The following CCDC171 variants were observed in gnomAD, a reference collection of about 807,000 sequenced individuals.
CCDC171 encodes coiled-coil domain-containing protein 171.
Under a neutral mutation model 168.2 loss-of-function variants are expected in CCDC171, and 177 were observed. That is an observed-to-expected ratio of 1.05 (90% CI 0.93 to 1.19). The LOEUF is 1.19. Among genes scored for constraint, CCDC171 ranks in the 50% most tolerant of loss-of-function variants. CCDC171 has a pLI of 0.00. For missense variants in CCDC171, 1,991 were observed against 1,539.0 expected, an observed-to-expected ratio of 1.29 and a Z score of -4.91; for synonymous variants, 687 against 540.8, an observed-to-expected ratio of 1.27 and a Z score of -3.75.
chr9:15,682,026 A>T (rs1157714707), intron 10 of CCDC171, among the ~76,000 whole-genome samples: 1 of 152,012 alleles, frequency 6.6e-6, no homozygotes, highest in Non-Finnish European at 1.5e-5. Context: ...TTGAGGTACC[A>T]GATTGTTTTC....
intron 10 of CCDC171, among the ~76,000 whole-genome samples, chr9:15,689,348 A>T (rs1220815845): frequency 3.9e-5 from 6 of 152,196 alleles, no homozygotes; most frequent in Non-Finnish European, 5.9e-5. Context: ...TATGCTTACC[A>T]CTGTACCACC....
At chr9:15,748,014 C>T (rs1040085332) in intron 18 of CCDC171, among the ~76,000 whole-genome samples, 5 of 152,026 alleles carry the variant, frequency 3.3e-5, no homozygotes, top group South Asian at 2.1e-4. Context: ...AAAGGTTAGA[C>T]GAGTGACTAA....
At chr9:16,048,914 G>A (rs192767000) in intron 1 of CCDC171, among the ~76,000 whole-genome samples, 3 of 148,666 alleles carry the variant, frequency 2.0e-5, no homozygotes, top group Non-Finnish European at 4.4e-5. Flanking sequence ...AGAGACAGAA[G>A]TGATGAGTTT....
intron 23 of CCDC171, among the ~76,000 whole-genome samples, chr9:15,859,777 A>T (rs546332445): frequency 6.6e-6 from 1 of 151,874 alleles, no homozygotes; most frequent in South Asian, 2.1e-4. Flanking sequence ...CTCCTACCTC[A>T]GTCTCCTAAG....
At chr9:15,852,671 C>T (rs1303135453) in intron 23 of CCDC171, among the ~76,000 whole-genome samples, 1 of 151,678 alleles carries the variant, frequency 6.6e-6, no homozygotes, top group Non-Finnish European at 1.5e-5. Context: ...AGTCGTGAAG[C>T]TTTCCCCTCT....
chr9:15,931,609 A>G (rs1826528361), intron 25 of CCDC171, among the ~76,000 whole-genome samples: 1 of 151,198 alleles, frequency 6.6e-6, no homozygotes, highest in South Asian at 2.1e-4. Flanking sequence ...TGCTGTGCAA[A>G]AGCTGTTTAG....
rs1018516841 is a variant in CCDC171, at chr9:15,817,269, G to A, written c.3268-29433G>A. ...CCAGTCTACAGCTCCCAGTGTGAGC[G>A]ACGCAGAAGATGGGTGATTTCTGCA... On this transcript the variant is annotated intron_variant, in intron 21 of 25. Coordinates refer to ENST00000380701, the MANE Select transcript of CCDC171 (RefSeq NM_173550.4). Among the ~76,000 whole-genome samples the A allele has an allele frequency of 1.0e-4, 12 of 117,980 alleles. 3 individuals are homozygous for A. The highest frequency in any genetic ancestry group is 2.1e-4 in the East Asian group (1 of 4,670). The allele number at this position is 117,980 out of a possible 152,430, so 77.4% of individuals were successfully genotyped here.
At chr9:15,912,010 C>T (rs902044415) in intron 24 of CCDC171, among the ~76,000 whole-genome samples, 8 of 152,172 alleles carry the variant, frequency 5.3e-5, no homozygotes, top group African/African-American at 7.2e-5. Context: ...CTTTTTGCTT[C>T]AGATTGTCTT....
Position 15,745,644 on chromosome 9 carries a change from C to G in CCDC171, c.2671+13C>G, listed in dbSNP as rs200720719. ...ATTGGTAAAGCAGGTATGGTTCCTT[C>G]TTTTATGTCCTTGCAAAATACATTT... On this transcript the variant is annotated intron_variant, in intron 18 of 25. Coordinates refer to ENST00000380701, the MANE Select transcript of CCDC171 (RefSeq NM_173550.4). 3.1e-5 allele frequency: 45 copies of G among 1,449,200 alleles called. No homozygotes were observed. In the East Asian group the frequency reaches 1.0e-3, roughly 33 times the overall value. 89.8% of individuals were successfully genotyped at this position (1,449,200 alleles called of 1,614,324 possible). A position where few individuals can be genotyped will look rare whatever the true frequency, so the allele number is the denominator to read the frequency against.
chr9:15,607,435 G>C (rs2131773231), intron 6 of CCDC171, among the ~76,000 whole-genome samples: 1 of 152,080 alleles, frequency 6.6e-6, no homozygotes, highest in South Asian at 2.1e-4. Flanking sequence ...TATCATACAG[G>C]ATGCTTCTTT....
At chr9:15,942,522 T>C (rs1827848077) in intron 25 of CCDC171, among the ~76,000 whole-genome samples, 1 of 151,930 alleles carries the variant, frequency 6.6e-6, no homozygotes, top group Non-Finnish European at 1.5e-5. Flanking sequence ...AGATCAGGAA[T>C]TGTGTCTTGT....
chr9:15,602,091 A>G (rs1235934920), intron 6 of CCDC171, among the ~76,000 whole-genome samples: 3 of 152,208 alleles, frequency 2.0e-5, no homozygotes, highest in African/African-American at 7.2e-5. Context: ...TGCTTTTGTA[A>G]GGTAAATTTT....
chr9:15,633,941 G>A (rs961227309), intron 7 of CCDC171, among the ~76,000 whole-genome samples: 35 of 151,206 alleles, frequency 2.3e-4, no homozygotes, highest in Admixed American at 2.0e-3. Context: ...ACGAAACACC[G>A]CATATTCTCA....
At chr9:15,584,516 G>T (rs1419164532) in intron 4 of CCDC171, among the ~76,000 whole-genome samples, 1 of 152,162 alleles carries the variant, frequency 6.6e-6, no homozygotes, top group Non-Finnish European at 1.5e-5. Context: ...TAAACTGAGT[G>T]GGAAACCCAG....
At chr9:15,807,889 C>T (rs1175904086) in intron 21 of CCDC171, among the ~76,000 whole-genome samples, 1 of 151,488 alleles carries the variant, frequency 6.6e-6, no homozygotes, top group African/African-American at 2.4e-5. Flanking sequence ...AATATGCCTC[C>T]AGGAAGAAAG....
At chr9:15,614,500 A>T (rs1432009306) in intron 6 of CCDC171, among the ~76,000 whole-genome samples, 1 of 152,200 alleles carries the variant, frequency 6.6e-6, no homozygotes, top group Non-Finnish European at 1.5e-5. Context: ...TTTTTGGTTA[A>T]TTTAAAGAGT....
At position 15,609,098 on chromosome 9, in the gene CCDC171, TA is replaced by T. The variant is rs1435495231; in HGVS notation, c.676-14165del. 2.0e-3 allele frequency among the ~76,000 whole-genome samples: 308 copies of T among 151,460 alleles called. 9 individuals are homozygous for T. Among genetic ancestry groups the T allele is most frequent in the Admixed American group, 0.019 (282 of 15,192 alleles). On this transcript the variant is annotated intron_variant, in intron 6 of 25. Coordinates refer to ENST00000380701, the MANE Select transcript of CCDC171 (RefSeq NM_173550.4). ...TTTACATTATGTATGATGAACAGTT[TA>T]AAATTTTTTTTTTTTTTGGACACGG...
chr9:15,889,777 G>A (rs1435222636), intron 24 of CCDC171, among the ~76,000 whole-genome samples: 1 of 152,142 alleles, frequency 6.6e-6, no homozygotes, highest in Non-Finnish European at 1.5e-5. Context: ...GTTCTCACTG[G>A]TAAAGGAATG....
At chr9:15,692,872 C>T (rs1282325650) in intron 10 of CCDC171, among the ~76,000 whole-genome samples, 2 of 151,078 alleles carry the variant, frequency 1.3e-5, no homozygotes, top group African/African-American at 4.8e-5. Flanking sequence ...CATGGTGGCT[C>T]ACCCCTGTAA....
Sources: gnomAD v4.1 joint callset for allele counts (sites outside exome capture counted in the v4.1 genomes callset) on GRCh38, gnomAD v4.1.1 for gene constraint, MANE v1.5 for transcripts, NCBI Gene and HGNC (gene_info 2026-07-23, HGNC 2026-07-21) for gene names.